Variants in MAP1B observed in about 807,000 individuals in gnomAD.
The protein encoded by MAP1B is microtubule-associated protein 1B.
A neutral mutation model predicts 176.1 loss-of-function variants in MAP1B; 12 were observed. The ratio of observed to expected loss-of-function variants is 0.07; its 90% CI spans 0.04 to 0.11. The LOEUF (loss-of-function observed/expected upper bound fraction) is 0.11. Ranked by LOEUF, MAP1B falls within the 10% of genes least tolerant of loss-of-function variation. The pLI is 1.00. For missense variants in MAP1B, 2,523 were observed against 2,990.5 expected (o/e 0.84, Z 3.65); for synonymous variants, 1,044 against 1,135.0 (o/e 0.92, Z 1.61).
intron 2 of MAP1B, among the ~76,000 whole-genome samples, chr5:72,144,642 A>C (rs1746013229): frequency 6.6e-6 from 1 of 151,792 alleles, no homozygotes; most frequent in Admixed American, 6.6e-5. Flanking sequence ...CGATCCCCCC[A>C]CCTCAGCTTC....
intron 2 of MAP1B, among the ~76,000 whole-genome samples, chr5:72,150,365 CG>C (rs1746119559): frequency 6.6e-6 from 1 of 152,182 alleles, no homozygotes; most frequent in South Asian, 2.1e-4. Flanking sequence ...TAAGCATCAC[CG>C]ACTGGCTGCA....
rs991573047 is a variant in MAP1B at position 72,151,364 on chromosome 5, G to C, written c.287-32379G>C. On this transcript the variant is annotated intron_variant, in intron 2 of 6. Coordinates refer to ENST00000296755, the MANE Select transcript of MAP1B (RefSeq NM_005909.5). ...TCACCTCAGACACCCTCACATTGGG[G>C]ATCAAATTTCAACATGAGATTTGGC... is the stretch of plus-strand genomic sequence containing the variant. Among the ~76,000 whole-genome samples the C allele has an allele frequency of 3.3e-5, 5 of 152,218 alleles. No individual in the cohort carries two copies. In the South Asian group the frequency reaches 1.0e-3, roughly 32 times the overall value.
intron 2 of MAP1B, among the ~76,000 whole-genome samples, chr5:72,132,040 GGATATTACT>G (rs1439557617): frequency 5.3e-5 from 8 of 152,256 alleles, no homozygotes; most frequent in Admixed American, 1.3e-4. Context: ...ATTACTTGGA[GGATATTACT>G]GAAGCAAATA....
chr5:72,200,047 T>C lies in MAP1B; in HGVS notation c.6692T>C (p.Leu2231Pro), dbSNP rs1338338157. The C allele has an allele frequency of 6.2e-7, 1 of 1,614,158 alleles. No individual in the cohort carries two copies. Among genetic ancestry groups the C allele is most frequent in the African/African-American group, 1.3e-5 (1 of 75,018 alleles). Reference protein sequence around the residue: ...DPEALAIEQNLGKALKKDLKE... With the variant: ...DPEALAIEQNPGKALKKDLKE... ...GAGGCCTTGGCCATTGAGCAGAACC[T>C]GGGCAAAGCTCTAAAGAAAGATCTG... The change falls in exon 5 of 7, where the codon CTG (leucine) becomes CCG (proline). Residue 2231 changes from leucine (L) to proline (P), a missense_variant. Coordinates refer to ENST00000296755, the MANE Select transcript of MAP1B (RefSeq NM_005909.5).
At chr5:72,180,262 T>C (rs1465199959) in intron 2 of MAP1B, among the ~76,000 whole-genome samples, 1 of 152,208 alleles carries the variant, frequency 6.6e-6, no homozygotes, top group East Asian at 1.9e-4. Flanking sequence ...GTGATGACAG[T>C]CATACCCGGA....
rs756105665 is a variant in MAP1B, at chr5:72,197,990, T to C, written c.4635T>C (p.His1545=). The change falls in exon 5 of 7, where the codon CAT becomes CAC. Residue 1545 remains histidine (H), a synonymous_variant. Transcript: ENST00000296755. ...DEGVAEDTYS[H]MEGVASVSTA... is the part of the protein sequence containing the mutation. ...GCGTAGCAGAAGACACGTACTCTCATATGGAGGGTGTGGCCTCAGTGTCCA... is the reference window on the plus strand; with the variant it reads ...GCGTAGCAGAAGACACGTACTCTCACATGGAGGGTGTGGCCTCAGTGTCCA... 6.2e-7 allele frequency: 1 copy of C among 1,614,204 alleles called. No individual in the cohort carries two copies. Among genetic ancestry groups the C allele is most frequent in the East Asian group, 2.2e-5 (1 of 44,882 alleles).
Position 72,206,652 on chromosome 5 carries a change from ATG to A in MAP1B, c.*1415_*1416del, listed in dbSNP as rs1747456295. On this transcript the variant is annotated 3_prime_UTR_variant, in exon 7 of 7. Coordinates refer to ENST00000296755, the MANE Select transcript of MAP1B (RefSeq NM_005909.5). ...TTTTCATAGATGAACTTTTTAACAA[ATG>A]TTTTCATTTACAGGAAATTGCAAAG... The A allele has an allele frequency of 6.6e-6, 1 of 152,256 alleles. No individual in the cohort carries two copies. The highest frequency in any genetic ancestry group is 6.5e-5 in the Admixed American group (1 of 15,276). 9.4% of individuals were successfully genotyped at this position (152,256 alleles called of 1,614,324 possible). A position where few individuals can be genotyped will look rare whatever the true frequency, so the allele number is the denominator to read the frequency against.
At chr5:72,133,951 AT>A (rs1313898636) in intron 2 of MAP1B, among the ~76,000 whole-genome samples, 3 of 152,224 alleles carry the variant, frequency 2.0e-5, no homozygotes, top group African/African-American at 7.2e-5. Flanking sequence ...AATCTGTCAC[AT>A]TTCAAAACTC....
chr5:72,185,281 C>T (rs1746870356), intron 3 of MAP1B, among the ~76,000 whole-genome samples: 3 of 152,184 alleles, frequency 2.0e-5, no homozygotes, highest in Non-Finnish European at 4.4e-5. Context: ...TGCTTTAGAT[C>T]AGCAGGACCT....
At chr5:72,179,626 C>T (rs1025106958) in intron 2 of MAP1B, 20 of 985,386 alleles carry the variant, frequency 2.0e-5, no homozygotes, top group Admixed American at 6.1e-5. Flanking sequence ...CCAGGCTTGG[C>T]CAGATGCTGG....
Position 72,199,301 on chromosome 5 carries a change from G to C in MAP1B, c.5946G>C (p.Arg1982Ser). The C allele has an allele frequency of 1.2e-6, 2 of 1,614,110 alleles. No homozygotes were observed. Among genetic ancestry groups the C allele is most frequent in the Non-Finnish European group, 1.7e-6 (2 of 1,180,028 alleles). Residue 1982 changes from arginine (R) to serine (S), a missense_variant, in exon 5 of 7, where the codon AGG becomes AGC. Around this residue, in one of 4 missense-constraint regions of MAP1B, gnomAD observed 1,925 missense variants for 2,126.0 expected, o/e 0.91. Coordinates refer to ENST00000296755, the MANE Select transcript of MAP1B (RefSeq NM_005909.5). This position sits in a 1 kb window ranked among gnomAD's most constrained non-coding sequence, Gnocchi z 4.2. ...YSYEKTERSRRLLDDISNGYD... is the reference protein window; with the variant it reads ...YSYEKTERSRSLLDDISNGYD... ...ATGAAAAGACTGAGAGGTCTAGAAG[G>C]CTTCTGGATGACATCAGCAATGGCT...
rs774200948 is a variant in MAP1B at position 72,205,203 on chromosome 5, A to G, written c.7371A>G (p.Gln2457=). 1 of 1,614,086 alleles carries G rather than the reference A, an allele frequency of 6.2e-7. No individual in the cohort carries two copies. Among genetic ancestry groups the G allele is most frequent in the South Asian group, 1.1e-5 (1 of 91,066 alleles). Residue 2457 remains glutamine, a synonymous_variant, in exon 7 of 7, where the codon CAA becomes CAG. Transcript: ENST00000296755. ...VLASSSTVVM[Q]DESFPACKIE... The stretch of plus-strand genomic sequence containing the variant: ...CAAGCAGCAGCACAGTGGTTATGCA[A>G]GATGAATCCTTCCCTGCATGCAAGA...
intron 2 of MAP1B, among the ~76,000 whole-genome samples, chr5:72,170,808 G>C (rs1004998522): frequency 2.0e-5 from 3 of 152,132 alleles, no homozygotes; most frequent in African/African-American, 4.8e-5. Flanking sequence ...TGATCCAGAT[G>C]TGGTAGCAGG....
chr5:72,116,541 G>GACCAC, intron 2 of MAP1B: 1 of 336,976 alleles, frequency 3.0e-6, no homozygotes. Context: ...TGCCTCTGGC[G>GACCAC]CTGGAGATGT....
rs760551308 is a variant in MAP1B, at chr5:72,203,642, T to C, written c.7092T>C (p.Pro2364=). ...LPVYLDLCYI[P]NHSNSKNVDV... is the part of the protein sequence containing the mutation. Reference sequence around the variant, plus strand: ...TGTATTTGGACCTGTGCTACATTCCTAACCACAGCAATAGTAAGAATGTTG... The same window carrying C: ...TGTATTTGGACCTGTGCTACATTCCCAACCACAGCAATAGTAAGAATGTTG... Residue 2364 remains proline (P), a synonymous_variant, in exon 6 of 7, where the codon CCT becomes CCC. Coordinates refer to ENST00000296755, the MANE Select transcript of MAP1B (RefSeq NM_005909.5). 1.2e-6 allele frequency: 2 copies of C among 1,614,198 alleles called. No homozygotes were observed. Among genetic ancestry groups the C allele is most frequent in the Non-Finnish European group, 1.7e-6 (2 of 1,180,030 alleles).
chr5:72,109,917 G>T (rs905506870), intron 1 of MAP1B, among the ~76,000 whole-genome samples: 8 of 152,104 alleles, frequency 5.3e-5, no homozygotes. Flanking sequence ...TCCTTTCAGC[G>T]CCCTATTCCT....
At chr5:72,171,738 A>C (rs778165711) in intron 2 of MAP1B, among the ~76,000 whole-genome samples, 14 of 152,180 alleles carry the variant, frequency 9.2e-5, no homozygotes, top group Non-Finnish European at 1.9e-4. Context: ...AGGAAAGTAG[A>C]ATCAGGACTG....
intron 2 of MAP1B, among the ~76,000 whole-genome samples, chr5:72,150,381 G>A (rs912913833): frequency 6.6e-6 from 1 of 152,238 alleles, no homozygotes; most frequent in Non-Finnish European, 1.5e-5. Context: ...GCTGCAAGCC[G>A]AAATGACCCC....
rs145044773 is a variant in MAP1B, at chr5:72,194,348, C to T, written c.993C>T (p.Leu331=). Residue 331 remains leucine (L), a synonymous_variant, in exon 5 of 7, where the codon CTC becomes CTT. Transcript: ENST00000296755. This position sits in a 1 kb window ranked among gnomAD's most constrained non-coding sequence, Gnocchi z 7.2. The part of the protein sequence containing the change: ...NSMLQRKIAE[L]EEEQSQGSTT... ...TGTTACAGCGGAAAATTGCAGAGCT[C>T]GAGGAAGAACAGTCCCAGGGCTCCA... The T allele has an allele frequency of 5.0e-5, 80 of 1,614,082 alleles. No homozygotes were observed. The highest frequency in any genetic ancestry group is 6.7e-5 in the Non-Finnish European group (79 of 1,180,030).
Sources: gnomAD v4.1 joint callset for allele counts (sites outside exome capture counted in the v4.1 genomes callset) on GRCh38, gnomAD v4.1.1 for gene constraint, gnomAD v4.1.1 regional missense constraint, Gnocchi (gnomAD v3.1) non-coding constraint, MANE v1.5 for transcripts, NCBI Gene and HGNC (gene_info 2026-07-23, HGNC 2026-07-21) for gene names.